Variants in LTBP3 observed in about 807,000 individuals in gnomAD.
LTBP3 encodes latent transforming growth factor beta binding protein 3.
Under a neutral mutation model 159.7 loss-of-function variants are expected in LTBP3, and 97 were observed. That is an observed-to-expected ratio of 0.61 (90% confidence interval 0.52 to 0.72). The LOEUF (loss-of-function observed/expected upper bound fraction) is 0.72, where lower values mean the gene tolerates loss of function less well. LTBP3 is among the 30% of genes least tolerant of loss of function. The pLI, the probability that LTBP3 is intolerant of heterozygous loss-of-function variation, is 0.00. For synonymous variants in LTBP3, 824 were observed against 777.1 expected (o/e 1.06, Z -1.00); for missense variants, 1,584 against 1,864.3 (o/e 0.85, Z 2.77).
In LTBP3 at chr11:65,558,251, G is replaced by A. The variant is rs1277732854; in HGVS notation, c.-292C>T. ...AAGTTGAGGCGGAGAGGAGGAGCGAGGGAGAGGAAGGCCGGGCGGCCGGCC... is the reference window on the plus strand; with the variant it reads ...AAGTTGAGGCGGAGAGGAGGAGCGAAGGAGAGGAAGGCCGGGCGGCCGGCC... On this transcript the variant is annotated 5_prime_UTR_variant, in exon 1 of 28. Transcript: ENST00000301873. 1.9e-6 allele frequency: 2 copies of A among 1,029,620 alleles called. No homozygotes were observed. Among genetic ancestry groups the A allele is most frequent in the East Asian group, 5.6e-5 (1 of 17,980 alleles). 63.8% of individuals were successfully genotyped at this position (1,029,620 alleles called of 1,614,324 possible). A position where few individuals can be genotyped will look rare whatever the true frequency, so the allele number is the denominator to read the frequency against.
chr11:65,540,004 C>T lies in LTBP3; in HGVS notation c.3385+9G>A, dbSNP rs936055103. 8 of 1,490,488 alleles carry T rather than the reference C, an allele frequency of 5.4e-6. No homozygotes were observed. Among genetic ancestry groups the T allele is most frequent in the Admixed American group, 2.2e-5 (1 of 45,572 alleles). The allele number at this position is 1,490,488 out of a possible 1,614,324, so 92.3% of individuals were successfully genotyped here. A position where few individuals can be genotyped will look rare whatever the true frequency, so the allele number is the denominator to read the frequency against. On this transcript the variant is annotated intron_variant, in intron 24 of 27. Coordinates refer to ENST00000301873, the MANE Select transcript of LTBP3 (RefSeq NM_001130144.3). ...CCCGGGATCGGCCAAGGCCAACCCTCGCCCTCACCGGCCGGGCTCTCGGGG... is the reference window on the plus strand; with the variant it reads ...CCCGGGATCGGCCAAGGCCAACCCTTGCCCTCACCGGCCGGGCTCTCGGGG...
chr11:65,539,027 C>T lies in LTBP3; in HGVS notation c.*53G>A, dbSNP rs182706331. The T allele has an allele frequency of 2.6e-5, 34 of 1,326,648 alleles. No individual in the cohort carries two copies. The highest frequency in any genetic ancestry group is 1.2e-4 in the Admixed American group (3 of 25,346). The allele number at this position is 1,326,648 out of a possible 1,614,324, so 82.2% of individuals were successfully genotyped here. On this transcript the variant is annotated 3_prime_UTR_variant, in exon 28 of 28. Transcript: ENST00000301873. ...CGGGGCAGAAGTGAGGCCGAGCTCG[C>T]GGAAATCCCTCAGTGATCACCGAGG...
intron 10 of LTBP3, 59 bp downstream of exon 10, chr11:65,551,343 C>T: frequency 1.3e-6 from 2 of 1,589,214 alleles, no homozygotes; most frequent in South Asian, 1.1e-5. Flanking sequence ...AAACTGTGAA[C>T]TCCCCGCCCA....
At chr11:65,551,525 C>T (rs938034418) in intron 9 of LTBP3, 23 bp downstream of exon 9, 4 of 1,613,956 alleles carry the variant, frequency 2.5e-6, no homozygotes, top group Middle Eastern at 1.6e-4. Context: ...GCCCACCCCT[C>T]CCATCTGGGT....
At chr11:65,540,807 G>C (rs747288505) in intron 21 of LTBP3, 64 bp downstream of exon 21, 2 of 1,526,840 alleles carry the variant, frequency 1.3e-6, no homozygotes, top group Non-Finnish European at 1.8e-6. Flanking sequence ...AGTCCCGGCG[G>C]GATCCGGGCG....
At chr11:65,557,331 G>A (rs1370268035) in intron 1 of LTBP3, among the ~76,000 whole-genome samples, 8 of 152,012 alleles carry the variant, frequency 5.3e-5, no homozygotes, top group African/African-American at 1.7e-4. Flanking sequence ...GTGTGCTCCT[G>A]CTCAGAACTC....
At chr11:65,540,723 G>GGCGGGGCCTACAGGAGGA in intron 21 of LTBP3, 109 bp from the exon 22 acceptor site, 2 of 1,564,138 alleles carry the variant, frequency 1.3e-6, no homozygotes, top group Non-Finnish European at 1.7e-6. Flanking sequence ...CTACAGGAGG[G>GGCGGGGCCTACAGGAGGA]GCGGGGCCTA....
At chr11:65,541,430 A>G in intron 19 of LTBP3, 137 bp from the exon 20 acceptor site, 7 of 1,411,368 alleles carry the variant, frequency 5.0e-6, no homozygotes, top group South Asian at 1.2e-5. Context: ...TCTGTTCTCA[A>G]CGTGGTGTTC....
Position 65,538,941 on chromosome 11 carries a change from G to C in LTBP3, c.*139C>G, listed in dbSNP as rs1351237242. The C allele has an allele frequency of 1.1e-5, 14 of 1,306,652 alleles. No individual in the cohort carries two copies. The South Asian group carries it at 2.9e-4, about 27-fold the overall frequency. 80.9% of individuals were successfully genotyped at this position (1,306,652 alleles called of 1,614,324 possible). A position where few individuals can be genotyped will look rare whatever the true frequency, so the allele number is the denominator to read the frequency against. Reference sequence around the variant, plus strand: ...GGAGGGGGGCCGGTAGGGGCGCCTCGGGTCTCAAGGCGCCGGGAGGGTCTG... The same window carrying C: ...GGAGGGGGGCCGGTAGGGGCGCCTCCGGTCTCAAGGCGCCGGGAGGGTCTG... On this transcript the variant is annotated 3_prime_UTR_variant, in exon 28 of 28. Coordinates refer to ENST00000301873, the MANE Select transcript of LTBP3 (RefSeq NM_001130144.3).
chr11:65,539,909 G>A (rs776771520), intron 24 of LTBP3, 28 bp from the exon 25 acceptor site: 79 of 1,501,220 alleles, frequency 5.3e-5, no homozygotes, highest in Middle Eastern at 1.8e-4. Context: ...CATCAGGGGA[G>A]GGGCCCAAGG....
chr11:65,545,218 C>G (rs1856313777), intron 16 of LTBP3: 1 of 189,038 alleles, frequency 5.3e-6, no homozygotes, highest in Non-Finnish European at 1.1e-5. Flanking sequence ...ATCCCTCCCC[C>G]ACCATCTCCT....
Position 65,557,934 on chromosome 11 carries a change from C to G in LTBP3, c.26G>C (p.Gly9Ala), listed in dbSNP as rs1856868816. 1.6e-6 allele frequency: 2 copies of G among 1,214,406 alleles called. No homozygotes were observed. Among genetic ancestry groups the G allele is most frequent in the African/African-American group, 3.2e-5 (2 of 62,432 alleles). The allele number at this position is 1,214,406 out of a possible 1,614,324, so 75.2% of individuals were successfully genotyped here. ...CCCGCGCATCTCAGGGGCCAGGCCGCCAGCAGCCCCTCGGGGCCCGGGCAT... is the reference window on the plus strand; with the variant it reads ...CCCGCGCATCTCAGGGGCCAGGCCGGCAGCAGCCCCTCGGGGCCCGGGCAT... MPGPRGAA[G>A]GLAPEMRGAG... Residue 9 changes from glycine to alanine, a missense_variant, in exon 1 of 28, where the codon GGC becomes GCC. Physicochemically the swap from Gly to Ala is moderately conservative, Grantham distance 60 (BLOSUM62 0). Around this residue, in one of 6 missense-constraint regions of LTBP3, gnomAD observed 79 missense variants for 64.7 expected, o/e 1.22. Coordinates refer to ENST00000301873, the MANE Select transcript of LTBP3 (RefSeq NM_001130144.3).
In LTBP3 at chr11:65,553,431, G is replaced by A. The variant is rs753742693; in HGVS notation, c.964C>T (p.Leu322=). The part of the protein sequence containing the change: ...GQSKCHKCPQ[L]QYTGVQKPGP... ...CCTGAGCCCAAGCACTCACACTGCA[G>A]CTGGGGACACTTGTGGCACTTGCTC... Residue 322 remains leucine (L), a synonymous_variant, in exon 4 of 28, where the codon CTG becomes TTG. Coordinates refer to ENST00000301873, the MANE Select transcript of LTBP3 (RefSeq NM_001130144.3). This position sits in a 1 kb window ranked among gnomAD's most constrained non-coding sequence, Gnocchi z 6.5. 2.5e-6 allele frequency: 4 copies of A among 1,611,940 alleles called. No individual in the cohort carries two copies. The highest frequency in any genetic ancestry group is 1.7e-6 in the Non-Finnish European group (2 of 1,179,608).
chr11:65,547,572 G>A lies in LTBP3; in HGVS notation c.1979-5C>T. 6.2e-7 allele frequency: 1 copy of A among 1,613,634 alleles called. No homozygotes were observed. Among genetic ancestry groups the A allele is most frequent in the Non-Finnish European group, 8.5e-7 (1 of 1,179,714 alleles). On this transcript the variant is annotated splice_region_variant and splice_polypyrimidine_tract_variant and intron_variant, in intron 13 of 27. Coordinates refer to ENST00000301873, the MANE Select transcript of LTBP3 (RefSeq NM_001130144.3). This position sits in a 1 kb window ranked among gnomAD's most constrained non-coding sequence, Gnocchi z 4.6. Reference sequence around the variant, plus strand: ...GCTTGGCGCATTCGTTCAGGTCTGTGCGGGAGGAAGGGGCCACGAAGGGGG... The same window carrying A: ...GCTTGGCGCATTCGTTCAGGTCTGTACGGGAGGAAGGGGCCACGAAGGGGG...
Position 65,552,407 on chromosome 11 carries a change from C to T in LTBP3, c.1187-1G>A. ...AGGCTCTTCTCCTCCGGTTTGTCTG[C>T]TGCAGGGGCCAGTGGGGGGCATGGG... On this transcript the variant is annotated splice_acceptor_variant, in intron 6 of 27. Transcript: ENST00000301873. LOFTEE classifies it high-confidence loss of function. This position sits in a 1 kb window ranked among gnomAD's most constrained non-coding sequence, Gnocchi z 6.0. The T allele has an allele frequency of 6.2e-7, 1 of 1,612,952 alleles. No homozygotes were observed. The highest frequency in any genetic ancestry group is 8.5e-7 in the Non-Finnish European group (1 of 1,179,964).
chr11:65,540,931 C>T lies in LTBP3; in HGVS notation c.2917G>A (p.Asp973Asn), dbSNP rs1590761215. The T allele has an allele frequency of 6.2e-7, 1 of 1,613,612 alleles. No homozygotes were observed. Residue 973 changes from aspartate to asparagine, a missense_variant, in exon 21 of 28, where the codon GAC (aspartate) becomes AAC (asparagine). By Grantham distance (23) the Asp-to-Asn change is conservative (BLOSUM62 1). Transcript: ENST00000301873. The part of the protein sequence containing the change: ...SSAEFHSLCP[D>N]GKGYTQDNNI... ...TTGTCCTGGGTGTAGCCCTTTCCGT[C>T]TGGGCAGAGGCTGTGGAACTCGGCT...
chr11:65,542,724 T>C, intron 18 of LTBP3: 2 of 325,256 alleles, frequency 6.1e-6, no homozygotes, highest in Non-Finnish European at 1.2e-5. Flanking sequence ...GTTGGATGAA[T>C]GCATGTGTAT....
chr11:65,549,061 A>C (rs1856495851), intron 11 of LTBP3: 1 of 152,238 alleles, frequency 6.6e-6, no homozygotes, highest in African/African-American at 2.4e-5. Context: ...TCATCTGGAA[A>C]ACGAGGCTAA....
rs114332872 is a variant in LTBP3, at chr11:65,543,005, T to G, written c.2596+100A>C. ...GGATGGATGGATGGATGAAGGATGG[T>G]TGGATGGGTGGATGGATGGATGGAG... On this transcript the variant is annotated intron_variant, in intron 18 of 27. Transcript: ENST00000301873. 2,177 of 1,477,444 alleles carry G rather than the reference T, an allele frequency of 1.5e-3. 18 individuals carry two copies. In the African/African-American group the frequency reaches 0.025, roughly 17 times the overall value. 91.5% of individuals were successfully genotyped at this position (1,477,444 alleles called of 1,614,324 possible).
Sources: allele counts gnomAD v4.1 joint callset (sites outside exome capture counted in the v4.1 genomes callset), GRCh38; gene constraint gnomAD v4.1.1; regional missense constraint gnomAD v4.1.1; non-coding constraint Gnocchi (gnomAD v3.1); transcripts MANE v1.5; gene names NCBI Gene and HGNC (gene_info 2026-07-23, HGNC 2026-07-21).